The following DNPEP variants were observed in gnomAD, a reference collection of about 807,000 sequenced individuals.
DNPEP encodes aspartyl aminopeptidase.
In DNPEP, 46 loss-of-function variants were observed where a neutral mutation model predicts 59.1. The observed-to-expected ratio is 0.78, with a 90% CI of 0.61 to 0.99. The LOEUF is 0.99. Ranked by LOEUF, DNPEP falls within the 50% of genes least tolerant of loss-of-function variation. The probability of loss-of-function intolerance (pLI) is 0.00; values close to 1 mark genes in which losing one functional copy is unlikely to be tolerated. For synonymous variants in DNPEP, 229 were observed against 242.2 expected (o/e 0.95, Z 0.50); for missense variants, 617 against 649.9 (o/e 0.95, Z 0.55).
At chr2:219,380,433 G>T (rs970265232) in intron 13 of DNPEP, among the ~76,000 whole-genome samples, 1 of 151,980 alleles carries the variant, frequency 6.6e-6, no homozygotes, top group Admixed American at 6.6e-5. Context: ...TGTTGGCCAG[G>T]CTGGTTTTGA....
chr2:219,394,102 A>T (rs1191817911), intron 1 of DNPEP, among the ~76,000 whole-genome samples: 1 of 151,906 alleles, frequency 6.6e-6, no homozygotes, highest in Non-Finnish European at 1.5e-5. Context: ...TCTCCTCTTT[A>T]TGTAAATCTC....
chr2:219,377,776 T>C (rs1953431718), intron 13 of DNPEP, among the ~76,000 whole-genome samples: 4 of 151,822 alleles, frequency 2.6e-5, no homozygotes, highest in Admixed American at 2.0e-4. Context: ...AATAGAAAAT[T>C]AGCCAGCATG....
intron 13 of DNPEP, among the ~76,000 whole-genome samples, chr2:219,380,842 T>TACACACACACACACACACACACACACAC (rs58867229): frequency 0.033 from 4,766 of 145,692 alleles, 121 homozygotes; most frequent in Admixed American, 0.063. Context: ...CATATATATG[T>TACACACACACACACACACACACACACAC]ACACACACAC....
chr2:219,387,387 A>C (rs1345518515), intron 1 of DNPEP: 1 of 1,432,546 alleles, frequency 7.0e-7, no homozygotes, highest in East Asian at 2.6e-5. Context: ...CCTTAATCCG[A>C]ACTTTAGCCC....
At chr2:219,399,142 A>G (rs892251692) in intron 1 of DNPEP, among the ~76,000 whole-genome samples, 5 of 152,184 alleles carry the variant, frequency 3.3e-5, no homozygotes, top group Non-Finnish European at 7.3e-5. Flanking sequence ...AATGGCCTTT[A>G]AACAGTGTCT....
intron 1 of DNPEP, among the ~76,000 whole-genome samples, chr2:219,398,495 C>T (rs1239096916): frequency 6.6e-6 from 1 of 152,118 alleles, no homozygotes; most frequent in African/African-American, 2.4e-5. Flanking sequence ...ACTAAAAATA[C>T]AAAAATGAGC....
upstream of DNPEP, among the ~76,000 whole-genome samples, chr2:219,390,423 C>G (rs1312430977): frequency 6.6e-6 from 1 of 152,008 alleles, no homozygotes; most frequent in Non-Finnish European, 1.5e-5. Flanking sequence ...TAAAAAGGTT[C>G]TTATTGACCA....
chr2:219,387,376 C>T, intron 1 of DNPEP: 1 of 1,441,298 alleles, frequency 6.9e-7, no homozygotes, highest in Non-Finnish European at 9.1e-7. Context: ...CCAGGCCCGC[C>T]CCTTAATCCG....
upstream of DNPEP, chr2:219,388,014 G>C: frequency 2.7e-6 from 3 of 1,118,716 alleles, no homozygotes; most frequent in South Asian, 2.1e-5. Flanking sequence ...CCCTCGGCGG[G>C]CTTACCCTGT....
chr2:219,374,463 G>T (rs918331385), intron 14 of DNPEP, 121 bp from the exon 15 acceptor site: 1 of 886,224 alleles, frequency 1.1e-6, no homozygotes, highest in Non-Finnish European at 1.8e-6. Flanking sequence ...ATCTGTTCTT[G>T]ACAGCCACCC....
intron 11 of DNPEP, 154 bp downstream of exon 11, chr2:219,381,825 G>T: frequency 3.2e-6 from 3 of 947,918 alleles, no homozygotes; most frequent in Non-Finnish European, 3.2e-6. Context: ...TGACCAAGTT[G>T]GTCTCGCAGT....
Position 219,386,944 on chromosome 2 carries a change from C to G in DNPEP, c.167G>C (p.Gly56Ala). Residue 56 changes from glycine to alanine, a missense_variant, in exon 3 of 15, where the codon GGC becomes GCC. By Grantham distance (60) the Gly-to-Ala change is moderately conservative. Coordinates refer to ENST00000273075, the MANE Select transcript of DNPEP (RefSeq NM_012100.4). ...AECRNRLLQA[G>A]FSELKETEKW... ...CTCAGTCTCCTTGAGTTCACTGAAG[C>G]CAGCCTGGAGAAGGCGGTTGCGGCA... 2.5e-6 allele frequency: 4 copies of G among 1,614,010 alleles called. No homozygotes were observed. Among genetic ancestry groups the G allele is most frequent in the Non-Finnish European group, 3.4e-6 (4 of 1,180,018 alleles).
intron 1 of DNPEP, among the ~76,000 whole-genome samples, chr2:219,396,478 C>T (rs945474554): frequency 3.3e-5 from 5 of 151,780 alleles, no homozygotes. Context: ...ATCCCAGCTA[C>T]TAGGGAGGCT....
At chr2:219,386,522 C>CATGAA in intron 4 of DNPEP, 111 bp from the exon 5 acceptor site, 1 of 1,528,688 alleles carries the variant, frequency 6.5e-7, no homozygotes, top group South Asian at 1.2e-5. Flanking sequence ...ATGAAAGGCT[C>CATGAA]AAGGTGTGAA....
chr2:219,376,486 TA>T (rs542466059), intron 13 of DNPEP, among the ~76,000 whole-genome samples: 176 of 122,486 alleles, frequency 1.4e-3, no homozygotes, highest in Non-Finnish European at 1.5e-3. Flanking sequence ...AGACCCTGTC[TA>T]AAAAAAAAAA....
Position 219,376,444 on chromosome 2 carries a change from C to T in DNPEP, c.1240-1422G>A, listed in dbSNP as rs540843063. On this transcript the variant is annotated intron_variant, in intron 13 of 14. Coordinates refer to ENST00000273075, the MANE Select transcript of DNPEP (RefSeq NM_012100.4). ...AGGAGGTTGCAGTGAGCTGAGATTG[C>T]GACACTACACTCCAGCCTGGGCAAC... is the stretch of plus-strand genomic sequence containing the variant. 1.0e-4 allele frequency among the ~76,000 whole-genome samples: 15 copies of T among 148,270 alleles called. No homozygotes were observed. The South Asian group carries it at 1.7e-3, about 17-fold the overall frequency.
At chr2:219,383,747 CAGA>C (rs1299900212) in intron 9 of DNPEP, among the ~76,000 whole-genome samples, 1 of 152,116 alleles carries the variant, frequency 6.6e-6, no homozygotes, top group Non-Finnish European at 1.5e-5. Context: ...TGGTTGCCTG[CAGA>C]AGTAGATGCA....
chr2:219,387,765 G>T lies in DNPEP; in HGVS notation c.30C>A (p.Ala10=). The T allele has an allele frequency of 6.2e-7, 1 of 1,605,910 alleles. No individual in the cohort carries two copies. Among genetic ancestry groups the T allele is most frequent in the Non-Finnish European group, 8.5e-7 (1 of 1,176,890 alleles). MSGHSPTRG[A]MQVAMNGKAR... ...GCCGTCGGGAGCCACTTACCTGCATGGCCCCGCGCGTGGGGCTGTGTCCGC... is the reference window on the plus strand; with the variant it reads ...GCCGTCGGGAGCCACTTACCTGCATTGCCCCGCGCGTGGGGCTGTGTCCGC... The change falls in exon 1 of 15, where the codon GCC becomes GCA. Residue 10 remains alanine (A), a synonymous_variant. Coordinates refer to ENST00000273075, the MANE Select transcript of DNPEP (RefSeq NM_012100.4).
intron 13 of DNPEP, 96 bp from the exon 14 acceptor site, chr2:219,375,118 G>T: frequency 7.6e-7 from 1 of 1,317,198 alleles, no homozygotes; most frequent in Non-Finnish European, 1.1e-6. Context: ...GAAGGGGCCT[G>T]GGAGATGGTC....
Sources: allele counts gnomAD v4.1 joint callset (sites outside exome capture counted in the v4.1 genomes callset), GRCh38; gene constraint gnomAD v4.1.1; transcripts MANE v1.5; gene names NCBI Gene and HGNC (gene_info 2026-07-23, HGNC 2026-07-21).